Variants in DMD observed in about 807,000 individuals in gnomAD.
DMD encodes mutant dystrophin.
A neutral mutation model predicts 330.1 loss-of-function variants in DMD; 63 were observed. The ratio of observed to expected loss-of-function variants is 0.19; its 90% CI spans 0.16 to 0.24. The LOEUF (loss-of-function observed/expected upper bound fraction) is 0.24. Among genes scored for constraint, DMD ranks in the 10% least tolerant of loss-of-function variants. The pLI is 1.00. For synonymous variants in DMD, 1,223 were observed against 959.8 expected (o/e 1.27, Z -5.07); for missense variants, 3,344 against 2,684.1 (o/e 1.25, Z -5.43).
chrX:32,724,508 C>G (rs1230500598), intron 7 of DMD, among the ~76,000 whole-genome samples: 1 of 111,600 alleles, frequency 9.0e-6, no homozygotes, highest in African/African-American at 3.3e-5. Flanking sequence ...ATTTACAATT[C>G]AGTTAGGAAG....
At chrX:33,057,471 G>A (rs1451771110) in intron 1 of DMD, among the ~76,000 whole-genome samples, 1 of 112,316 alleles carries the variant, frequency 8.9e-6, no homozygotes, top group African/African-American at 3.2e-5. Flanking sequence ...TCTATGACTA[G>A]AGGTATTTTA....
chrX:32,420,909 A>G (rs2056939627), intron 29 of DMD, among the ~76,000 whole-genome samples: 1 of 111,271 alleles, frequency 9.0e-6, no homozygotes, highest in South Asian at 3.8e-4. Flanking sequence ...GATTCCTTCT[A>G]CTGTGATGTA....
intron 45 of DMD, among the ~76,000 whole-genome samples, chrX:31,958,867 C>T (rs908607674): frequency 5.4e-5 from 6 of 111,164 alleles, no homozygotes; most frequent in Non-Finnish European, 7.5e-5. Flanking sequence ...TCCAAGAGCT[C>T]CTTAAGACTA....
At chrX:32,306,237 A>G (rs189137372) in intron 42 of DMD, among the ~76,000 whole-genome samples, 1 of 111,117 alleles carries the variant, frequency 9.0e-6, no homozygotes, top group East Asian at 2.8e-4. Flanking sequence ...TAAGAGCTTA[A>G]TAACTATTTT....
intron 1 of DMD, among the ~76,000 whole-genome samples, chrX:33,186,880 G>C (rs1317770484): frequency 9.0e-6 from 1 of 111,472 alleles, no homozygotes. Flanking sequence ...AATTATAAAA[G>C]ATATGATGAT....
intron 78 of DMD, among the ~76,000 whole-genome samples, chrX:31,124,082 G>A (rs2033255513): frequency 9.0e-6 from 1 of 111,699 alleles, no homozygotes; most frequent in Non-Finnish European, 1.9e-5. Flanking sequence ...GATTTGCCAG[G>A]GAAAACAGGT....
chrX:32,672,843 A>C (rs1005815826), intron 9 of DMD, among the ~76,000 whole-genome samples: 1 of 111,297 alleles, frequency 9.0e-6, no homozygotes, highest in African/African-American at 3.3e-5. Context: ...GAGCCAAAAG[A>C]GCCACTGAGA....
At chrX:31,947,061 T>C (rs750813659) in intron 45 of DMD, among the ~76,000 whole-genome samples, 2 of 111,814 alleles carry the variant, frequency 1.8e-5, no homozygotes, top group Non-Finnish European at 3.8e-5. Context: ...AAGATTACCT[T>C]GTCAAGCATC....
rs139166532 is a variant in DMD at position 32,535,078 on chromosome X, G to A, written c.2168+10081C>T. Among the ~76,000 whole-genome samples, 706 of 111,694 alleles carry A rather than the reference G, an allele frequency of 6.3e-3. 7 individuals are homozygous for A. Among genetic ancestry groups the A allele is most frequent in the African/African-American group, 0.022 (671 of 30,718 alleles). On this transcript the variant is annotated intron_variant, in intron 17 of 78. Transcript: ENST00000357033. ...GGAAAGGAGACATTGTTTTTTAAAT[G>A]TAAACGTTCTTCAAGACAAACACAT...
At chrX:32,113,412 C>T (rs772045906) in intron 44 of DMD, among the ~76,000 whole-genome samples, 7 of 112,397 alleles carry the variant, frequency 6.2e-5, no homozygotes, top group Non-Finnish European at 1.1e-4. Context: ...CAAAATATCA[C>T]ATGTATCCCA....
chrX:31,927,490 C>A (rs2094795225), intron 47 of DMD, among the ~76,000 whole-genome samples: 2 of 111,418 alleles, frequency 1.8e-5, no homozygotes, highest in African/African-American at 6.5e-5. Flanking sequence ...GGTATCCTTC[C>A]TCCTTGTTCT....
chrX:31,470,442 T>C (rs1225554562), intron 59 of DMD, among the ~76,000 whole-genome samples: 1 of 111,885 alleles, frequency 8.9e-6, no homozygotes, highest in Non-Finnish European at 1.9e-5. Context: ...GGAGGTCCAC[T>C]CCAGACCCTG....
At chrX:32,422,383 A>G (rs1373013733) in intron 29 of DMD, among the ~76,000 whole-genome samples, 1 of 111,912 alleles carries the variant, frequency 8.9e-6, no homozygotes, top group Non-Finnish European at 1.9e-5. Flanking sequence ...ATATTCTTCT[A>G]TCTGTGTAAT....
chrX:33,186,715 C>T (rs1020456580), intron 1 of DMD, among the ~76,000 whole-genome samples: 3 of 110,012 alleles, frequency 2.7e-5, no homozygotes, highest in Non-Finnish European at 5.7e-5. Context: ...TGAAGTAATC[C>T]AGCGTGTAAT....
At chrX:32,778,444 TAC>T (rs1258966572) in intron 7 of DMD, among the ~76,000 whole-genome samples, 2 of 111,097 alleles carry the variant, frequency 1.8e-5, no homozygotes, top group Non-Finnish European at 3.8e-5. Flanking sequence ...GAAAAAAAAC[TAC>T]AGAGAGTGCA....
At position 31,212,146 on chromosome X, in the gene DMD, T is replaced by TTATA. The variant is rs375944446; in HGVS notation, c.9362-2451_9362-2448dup. ...AAGCTAGGAATTTCCATTAAATATA[T>TTATA]TATATATATATATATATATATGTGT... On this transcript the variant is annotated intron_variant, in intron 64 of 78. Coordinates refer to ENST00000357033, the MANE Select transcript of DMD (RefSeq NM_004006.3). 9.0e-3 allele frequency among the ~76,000 whole-genome samples: 828 copies of TTATA among 91,703 alleles called. 5 individuals carry two copies. Among genetic ancestry groups the TTATA allele is most frequent in the Non-Finnish European group, 0.012 (552 of 47,818 alleles). 79.6% of individuals were successfully genotyped at this position (91,703 alleles called of 115,157 possible). A position where few individuals can be genotyped will look rare whatever the true frequency, so the allele number is the denominator to read the frequency against.
intron 18 of DMD, among the ~76,000 whole-genome samples, chrX:32,506,196 A>C (rs917994496): frequency 8.1e-5 from 9 of 111,471 alleles, no homozygotes; most frequent in African/African-American, 2.6e-4. Flanking sequence ...ATGATGTGTC[A>C]ATGTAAGTTC....
At chrX:32,651,513 G>C (rs1042776616) in intron 9 of DMD, among the ~76,000 whole-genome samples, 5 of 111,747 alleles carry the variant, frequency 4.5e-5, no homozygotes, top group African/African-American at 1.6e-4. Context: ...TCAATGGTTT[G>C]GAAGCTACTA....
intron 4 of DMD, among the ~76,000 whole-genome samples, chrX:32,844,190 A>T (rs1205108061): frequency 9.0e-6 from 1 of 111,246 alleles, no homozygotes; most frequent in African/African-American, 3.3e-5. Flanking sequence ...GGATCACCTG[A>T]GGTCAGGAGT....
Sources: allele counts gnomAD v4.1 joint callset (sites outside exome capture counted in the v4.1 genomes callset), GRCh38; gene constraint gnomAD v4.1.1; transcripts MANE v1.5; gene names NCBI Gene and HGNC (gene_info 2026-07-23, HGNC 2026-07-21).